Variants in TRAPPC10 observed in about 807,000 individuals in gnomAD.
TRAPPC10 encodes trafficking protein particle complex subunit 10.
Under a neutral mutation model 125.5 loss-of-function variants are expected in TRAPPC10, and 23 were observed. The observed-to-expected ratio is 0.18, with a 90% confidence interval of 0.13 to 0.26. The LOEUF (loss-of-function observed/expected upper bound fraction) is 0.26, where lower values mean the gene tolerates loss of function less well. Among genes scored for constraint, TRAPPC10 ranks in the 10% least tolerant of loss-of-function variants. The pLI, the probability that TRAPPC10 is intolerant of heterozygous loss-of-function variation, is 1.00. For synonymous variants in TRAPPC10, 509 were observed against 518.0 expected (o/e 0.98, Z 0.24); for missense variants, 1,123 against 1,308.4 (o/e 0.86, Z 2.19).
At chr21:44,022,103 CTTTTGT>C (rs751481970) in intron 1 of TRAPPC10, among the ~76,000 whole-genome samples, 23 of 111,244 alleles carry the variant, frequency 2.1e-4, no homozygotes, top group South Asian at 5.5e-4. Flanking sequence ...TTCTTTCTTT[CTTTTGT>C]TTTTGTTTTT....
rs1260061260 is a variant in TRAPPC10, at chr21:44,085,620, C to T, written c.2381-1182C>T. 3.9e-5 allele frequency among the ~76,000 whole-genome samples: 6 copies of T among 152,184 alleles called. No homozygotes were observed. In the South Asian group the frequency reaches 6.2e-4, roughly 16 times the overall value. ...GCCCCAGCTGAGGCTCCTGCCTCAG[C>T]CTCCTGAGCCCAGGAGTTTGAGGCC... On this transcript the variant is annotated intron_variant, in intron 15 of 22. Coordinates refer to ENST00000291574, the MANE Select transcript of TRAPPC10 (RefSeq NM_003274.5).
intron 7 of TRAPPC10, among the ~76,000 whole-genome samples, chr21:44,071,615 C>T (rs184748891): frequency 1.3e-5 from 2 of 152,242 alleles, no homozygotes; most frequent in Admixed American, 1.3e-4. Context: ...ACGAGGCAGG[C>T]GGCTCTGCAA....
chr21:44,043,559 C>T (rs1390448934), intron 3 of TRAPPC10, among the ~76,000 whole-genome samples: 1 of 152,128 alleles, frequency 6.6e-6, no homozygotes, highest in Non-Finnish European at 1.5e-5. Context: ...TAAAATAAAC[C>T]TTGTGGCCAT....
At position 44,082,886 on chromosome 21, in the gene TRAPPC10, G is replaced by A. The variant is rs563104344; in HGVS notation, c.1822G>A (p.Val608Ile). 1.9e-5 allele frequency: 30 copies of A among 1,614,142 alleles called. No homozygotes were observed. The highest frequency in any genetic ancestry group is 1.6e-4 in the Middle Eastern group (1 of 6,062). The change falls in exon 14 of 23, where the codon GTT (valine) becomes ATT (isoleucine). Residue 608 changes from valine (V) to isoleucine (I), a missense_variant. Physicochemically the swap from Val to Ile is conservative, Grantham distance 29. Coordinates refer to ENST00000291574, the MANE Select transcript of TRAPPC10 (RefSeq NM_003274.5). This position sits in a 1 kb window ranked among gnomAD's most constrained non-coding sequence, Gnocchi z 4.4. ...AVVHVGGVLC[V>I]EITMYSQMPV... The stretch of plus-strand genomic sequence containing the variant: ...GGTCCACGTGGGCGGCGTTTTGTGC[G>A]TTGAGATAACCATGTACAGCCAGAT...
In TRAPPC10 at chr21:44,038,019, C is replaced by T. The variant is rs571594228; in HGVS notation, c.285+92C>T. ...TGAGTACCAGTGGGGGAAGAGGACG[C>T]GTGGTGGGGTGGAGTTGGAGATGCG... On this transcript the variant is annotated intron_variant, in intron 3 of 22. Transcript: ENST00000291574. 6.1e-5 allele frequency: 91 copies of T among 1,499,822 alleles called. 1 individual carries two copies. Among genetic ancestry groups the T allele is most frequent in the African/African-American group, 4.8e-4 (34 of 70,344 alleles). 92.9% of individuals were successfully genotyped at this position (1,499,822 alleles called of 1,614,324 possible).
rs536347173 is a variant in TRAPPC10 at position 44,059,867 on chromosome 21, A to G, written c.790+653A>G. ...GGTGGGGTTTGGAGTTGTTTTTGTT[A>G]CAATTGGTATTCCTGGCTTGATTCC... On this transcript the variant is annotated intron_variant, in intron 6 of 22. Coordinates refer to ENST00000291574, the MANE Select transcript of TRAPPC10 (RefSeq NM_003274.5). The surrounding 1 kb of genome is among the most constrained non-coding windows in gnomAD (Gnocchi z 4.4). The G allele has an allele frequency of 7.8e-4, 182 of 232,684 alleles. 4 individuals carry two copies. In the South Asian group the frequency reaches 0.023, roughly 29 times the overall value. 14.4% of individuals were successfully genotyped at this position (232,684 alleles called of 1,614,324 possible).
rs772005008 is a variant in TRAPPC10, at chr21:44,082,917, T to A, written c.1853T>A (p.Val618Glu). The A allele has an allele frequency of 6.2e-7, 1 of 1,614,042 alleles. No individual in the cohort carries two copies. Among genetic ancestry groups the A allele is most frequent in the African/African-American group, 1.3e-5 (1 of 74,920 alleles). ...VEITMYSQMPVPVHVEQIVVN... is the reference protein window; with the variant it reads ...VEITMYSQMPEPVHVEQIVVN... Reference sequence around the variant, plus strand: ...ATAACCATGTACAGCCAGATGCCTGTGCCTGTTCACGTGGAGCAGATTGTG... The same window carrying A: ...ATAACCATGTACAGCCAGATGCCTGAGCCTGTTCACGTGGAGCAGATTGTG... Residue 618 changes from valine to glutamate, a missense_variant, in exon 14 of 23, where the codon GTG (valine) becomes GAG (glutamate). This residue lies in a region of TRAPPC10 where 840 missense variants were observed against 902.0 expected (regional missense o/e 0.93). Transcript: ENST00000291574. The surrounding 1 kb of genome is among the most constrained non-coding windows in gnomAD (Gnocchi z 4.4).
chr21:44,041,775 G>A (rs775129069), intron 3 of TRAPPC10, among the ~76,000 whole-genome samples: 2 of 152,068 alleles, frequency 1.3e-5, no homozygotes, highest in Non-Finnish European at 2.9e-5. Context: ...CACTCAGGCT[G>A]TAGTGTAGTG....
chr21:44,048,565 C>G (rs2035015654), intron 3 of TRAPPC10, among the ~76,000 whole-genome samples: 1 of 152,134 alleles, frequency 6.6e-6, no homozygotes, highest in African/African-American at 2.4e-5. Flanking sequence ...GAGATCTCAG[C>G]TCACTACAAC....
intron 3 of TRAPPC10, among the ~76,000 whole-genome samples, chr21:44,045,766 C>T (rs1601642531): frequency 6.6e-6 from 1 of 151,984 alleles, no homozygotes; most frequent in South Asian, 2.1e-4. Flanking sequence ...CCGTGTTGGC[C>T]AGGCTAGTCT....
At chr21:44,041,238 TAC>T (rs2034393337) in intron 3 of TRAPPC10, among the ~76,000 whole-genome samples, 1 of 152,234 alleles carries the variant, frequency 6.6e-6, no homozygotes, top group African/African-American at 2.4e-5. Flanking sequence ...CTGGGCCAGG[TAC>T]TTTTTTGTAA....
intron 1 of TRAPPC10, among the ~76,000 whole-genome samples, chr21:44,020,503 G>GTGC (rs71334028): frequency 0.36 from 54,826 of 151,582 alleles, 13,727 homozygotes; most frequent in African/African-American, 0.72. Flanking sequence ...GGGCATGGTG[G>GTGC]TGCGTGCTTC....
chr21:44,062,934 C>T (rs1286942220), intron 6 of TRAPPC10: 1 of 1,262,920 alleles, frequency 7.9e-7, no homozygotes, highest in Non-Finnish European at 1.0e-6. Flanking sequence ...ATTTTAAGAT[C>T]ATATTTGAGT....
intron 1 of TRAPPC10, among the ~76,000 whole-genome samples, chr21:44,019,215 A>T (rs958424713): frequency 5.9e-5 from 9 of 152,052 alleles, no homozygotes; most frequent in African/African-American, 2.2e-4. Context: ...TGCCCAGTTA[A>T]TTTTTTGTAT....
intron 3 of TRAPPC10, among the ~76,000 whole-genome samples, chr21:44,043,002 G>T (rs2034521743): frequency 6.6e-6 from 1 of 151,880 alleles, no homozygotes; most frequent in South Asian, 2.1e-4. Context: ...TATATATTAG[G>T]AGCTCTGGGA....
chr21:44,022,927 G>A (rs1046867417), intron 1 of TRAPPC10, among the ~76,000 whole-genome samples: 13 of 149,032 alleles, frequency 8.7e-5, no homozygotes, highest in South Asian at 2.1e-4. Context: ...GGTGCGTGAT[G>A]TCCGATTACC....
intron 14 of TRAPPC10, among the ~76,000 whole-genome samples, chr21:44,083,919 C>T (rs1214173726): frequency 6.6e-6 from 1 of 152,210 alleles, no homozygotes; most frequent in East Asian, 1.9e-4. Flanking sequence ...GCATCAGTTA[C>T]TCAGAAAATC....
At chr21:44,058,016 T>C (rs1237054071) in intron 5 of TRAPPC10, among the ~76,000 whole-genome samples, 1 of 152,250 alleles carries the variant, frequency 6.6e-6, no homozygotes, top group African/African-American at 2.4e-5. Flanking sequence ...CAACAAAGGT[T>C]ACTGAGCACG....
In TRAPPC10 at chr21:44,064,303, A is replaced by ATGTG. The variant is rs10526131; in HGVS notation, c.1038+551_1038+554dup. ...GCTTCATGGAAGATATGTCATAAATATGTGTGTGTGTGTGTGTGTGTGTGT... is the reference window on the plus strand; with the variant it reads ...GCTTCATGGAAGATATGTCATAAATATGTGTGTGTGTGTGTGTGTGTGTGTGTGT... On this transcript the variant is annotated intron_variant, in intron 7 of 22. Coordinates refer to ENST00000291574, the MANE Select transcript of TRAPPC10 (RefSeq NM_003274.5). 7.4e-3 allele frequency among the ~76,000 whole-genome samples: 1,104 copies of ATGTG among 148,308 alleles called. 9 individuals are homozygous for ATGTG. Among genetic ancestry groups the ATGTG allele is most frequent in the South Asian group, 0.039 (182 of 4,672 alleles).
Sources: gnomAD v4.1 joint callset for allele counts (sites outside exome capture counted in the v4.1 genomes callset) on GRCh38, gnomAD v4.1.1 for gene constraint, gnomAD v4.1.1 regional missense constraint, Gnocchi (gnomAD v3.1) non-coding constraint, MANE v1.5 for transcripts, NCBI Gene and HGNC (gene_info 2026-07-23, HGNC 2026-07-21) for gene names.